Variants in PHF20 observed in about 807,000 individuals in gnomAD.
The protein encoded by PHF20 is glioma-expressed antigen 2.
PHF20 carries 23 observed loss-of-function variants against 113.5 expected under a neutral mutation model. The ratio of observed to expected loss-of-function variants is 0.20; its 90% CI spans 0.15 to 0.29. The LOEUF (loss-of-function observed/expected upper bound fraction) is 0.29. PHF20 is among the 10% of genes least tolerant of loss of function. The probability of loss-of-function intolerance (pLI) is 1.00; values close to 1 mark genes in which losing one functional copy is unlikely to be tolerated. For missense variants in PHF20, 943 were observed against 1,219.6 expected (o/e 0.77, Z 3.38); for synonymous variants, 434 against 457.3 (o/e 0.95, Z 0.65).
chr20:35,904,227 C>T (rs1156404501), intron 10 of PHF20, among the ~76,000 whole-genome samples: 2 of 149,140 alleles, frequency 1.3e-5, no homozygotes, highest in African/African-American at 5.0e-5. Flanking sequence ...ATTTGTGCTG[C>T]GTGATAATAG....
chr20:35,910,182 A>C (rs1020634896), intron 10 of PHF20, among the ~76,000 whole-genome samples: 2 of 152,180 alleles, frequency 1.3e-5, no homozygotes, highest in Non-Finnish European at 2.9e-5. Flanking sequence ...CACATATTGT[A>C]TGGTTCCATA....
intron 10 of PHF20, among the ~76,000 whole-genome samples, chr20:35,908,715 T>A (rs1345182225): frequency 1.3e-5 from 2 of 152,166 alleles, no homozygotes; most frequent in Non-Finnish European, 2.9e-5. Context: ...ACAGGGCCCT[T>A]CATCATGTTC....
chr20:35,899,148 GTTGAT>G (rs1228597018), intron 9 of PHF20, among the ~76,000 whole-genome samples: 4 of 152,126 alleles, frequency 2.6e-5, no homozygotes, highest in African/African-American at 7.2e-5. Context: ...AAATAAACAT[GTTGAT>G]TTCTTCTTCC....
At chr20:35,918,610 A>G (rs535061436) in intron 13 of PHF20, among the ~76,000 whole-genome samples, 1 of 152,330 alleles carries the variant, frequency 6.6e-6, no homozygotes, top group African/African-American at 2.4e-5. Flanking sequence ...AGGTAGACCA[A>G]GGTCAGAATC....
intron 2 of PHF20, among the ~76,000 whole-genome samples, chr20:35,837,195 A>G (rs1031841961): frequency 1.3e-5 from 2 of 152,098 alleles, no homozygotes; most frequent in Admixed American, 6.6e-5. Flanking sequence ...AGAAACAAAA[A>G]CAAAAACAAA....
intron 2 of PHF20, among the ~76,000 whole-genome samples, chr20:35,836,770 C>T (rs7272684): frequency 0.1 from 14,801 of 148,730 alleles, 756 homozygotes; most frequent in South Asian, 0.16. Flanking sequence ...CGTGAACCCC[C>T]GGCGGGGCAG....
chr20:35,912,814 A>G (rs1449416293), intron 10 of PHF20, among the ~76,000 whole-genome samples: 3 of 152,192 alleles, frequency 2.0e-5, no homozygotes, highest in Non-Finnish European at 4.4e-5. Flanking sequence ...CCTGGGTGAC[A>G]TGGCGATGAA....
At chr20:35,864,911 T>C (rs1399568923) in intron 6 of PHF20, among the ~76,000 whole-genome samples, 1 of 152,186 alleles carries the variant, frequency 6.6e-6, no homozygotes, top group Non-Finnish European at 1.5e-5. Flanking sequence ...TTTAAAATAC[T>C]GATTACGGCT....
chr20:35,863,730 A>G (rs895377093), intron 6 of PHF20, among the ~76,000 whole-genome samples: 1 of 152,244 alleles, frequency 6.6e-6, no homozygotes, highest in African/African-American at 2.4e-5. Flanking sequence ...AGTCAGCTTA[A>G]TAGAATCTAG....
At chr20:35,798,957 G>C (rs2041723463) in intron 1 of PHF20, among the ~76,000 whole-genome samples, 1 of 152,064 alleles carries the variant, frequency 6.6e-6, no homozygotes, top group East Asian at 1.9e-4. Flanking sequence ...GCTCCATGTG[G>C]TACAATTTTG....
At chr20:35,831,747 A>G (rs2042361546) in intron 2 of PHF20, among the ~76,000 whole-genome samples, 1 of 152,122 alleles carries the variant, frequency 6.6e-6, no homozygotes, top group Admixed American at 6.6e-5. Flanking sequence ...AGCCTTACAC[A>G]CTAAAATTTT....
rs1238548896 is a variant in PHF20, at chr20:35,869,438, C to T, written c.809C>T (p.Ala270Val). The T allele has an allele frequency of 2.0e-6, 3 of 1,512,938 alleles. No individual in the cohort carries two copies. Among genetic ancestry groups the T allele is most frequent in the South Asian group, 1.2e-5 (1 of 86,332 alleles). The allele number at this position is 1,512,938 out of a possible 1,614,324, so 93.7% of individuals were successfully genotyped here. ...TTGTGTGGTTTTATAAACATGGTAG[C>T]TGTGGATTCAAACTCTCAAACTTTG... is the stretch of plus-strand genomic sequence containing the variant. ...RGRPPSIAPT[A>V]VDSNSQTLQP... is the part of the protein sequence containing the mutation. Residue 270 changes from alanine to valine, a missense_variant and splice_region_variant, in exon 7 of 18, where the codon GCT becomes GTT. This residue lies in a region of PHF20 where 592 missense variants were observed against 787.2 expected (regional missense o/e 0.75). Transcript: ENST00000374012.
At chr20:35,912,912 G>A (rs1052882087) in intron 10 of PHF20, among the ~76,000 whole-genome samples, 5 of 152,212 alleles carry the variant, frequency 3.3e-5, no homozygotes, top group African/African-American at 7.2e-5. Context: ...AAACTTGTCT[G>A]TAAAGGGCCA....
At chr20:35,791,561 A>C (rs565793665) in intron 1 of PHF20, among the ~76,000 whole-genome samples, 16 of 144,472 alleles carry the variant, frequency 1.1e-4, no homozygotes, top group Admixed American at 2.8e-4. Flanking sequence ...ATATATATAT[A>C]TCTTAGAATT....
At chr20:35,879,845 C>T (rs1428305145) in intron 9 of PHF20, among the ~76,000 whole-genome samples, 6 of 151,122 alleles carry the variant, frequency 4.0e-5, no homozygotes, top group Non-Finnish European at 7.4e-5. Context: ...CCAAATTAGC[C>T]GGGTGTGGTG....
intron 3 of PHF20, among the ~76,000 whole-genome samples, chr20:35,844,543 C>CCCCA (rs1491281343): frequency 8.5e-6 from 1 of 117,710 alleles, no homozygotes; most frequent in African/African-American, 3.2e-5. Flanking sequence ...TTCACCATCA[C>CCCCA]CACACACACA....
rs1491351439 is a variant in PHF20 at position 35,881,070 on chromosome 20, T to TTTTTTTTTTC, written c.1282+9241_1282+9242insTTTTTTTTTC. Among the ~76,000 whole-genome samples, 67 of 145,254 alleles carry TTTTTTTTTTC rather than the reference T, an allele frequency of 4.6e-4. 1 individual carries two copies. Among genetic ancestry groups the TTTTTTTTTTC allele is most frequent in the African/African-American group, 1.5e-3 (59 of 38,688 alleles). On this transcript the variant is annotated intron_variant, in intron 9 of 17. Coordinates refer to ENST00000374012, the MANE Select transcript of PHF20 (RefSeq NM_016436.5). ...TACCTTTTTTTTTTTTTTTTTTTTT[T>TTTTTTTTTTC]CTGAGACGGAGTTTCTCGCTCTTGT...
At chr20:35,876,228 AT>A (rs538416469) in intron 9 of PHF20, among the ~76,000 whole-genome samples, 29 of 147,822 alleles carry the variant, frequency 2.0e-4, no homozygotes, top group South Asian at 4.3e-4. Context: ...CCATTACTGT[AT>A]TTTTTTTTTT....
At chr20:35,886,149 T>A (rs1225216200) in intron 9 of PHF20, among the ~76,000 whole-genome samples, 1 of 151,596 alleles carries the variant, frequency 6.6e-6, no homozygotes, top group Non-Finnish European at 1.5e-5. Context: ...CTTTTTTTTT[T>A]TTTTTTTGAG....
Sources: allele counts gnomAD v4.1 joint callset (sites outside exome capture counted in the v4.1 genomes callset), GRCh38; gene constraint gnomAD v4.1.1; regional missense constraint gnomAD v4.1.1; transcripts MANE v1.5; gene names NCBI Gene and HGNC (gene_info 2026-07-23, HGNC 2026-07-21).